The following CEP164 variants were observed in gnomAD, a reference collection of about 807,000 sequenced individuals.
The protein encoded by CEP164 is centrosomal protein 164, also known as centrosomal protein of 164 kDa.
Under a neutral mutation model 182.7 loss-of-function variants are expected in CEP164, and 162 were observed. The ratio of observed to expected loss-of-function variants is 0.89; its 90% CI spans 0.78 to 1.01. The LOEUF is 1.01. Among genes scored for constraint, CEP164 ranks in the 50% least tolerant of loss-of-function variants. The pLI, the probability that CEP164 is intolerant of heterozygous loss-of-function variation, is 0.00. For missense variants in CEP164, 1,735 were observed against 1,790.4 expected (o/e 0.97, Z 0.56); for synonymous variants, 661 against 690.0 (o/e 0.96, Z 0.66).
At chr11:117,360,688 G>A (rs186576227) in intron 5 of CEP164, among the ~76,000 whole-genome samples, 1 of 152,160 alleles carries the variant, frequency 6.6e-6, no homozygotes, top group East Asian at 1.9e-4. Context: ...ATTTTAATCA[G>A]AGTAGTGCAT....
At chr11:117,322,731 T>TTA (rs201165828) in intron 1 of CEP164, among the ~76,000 whole-genome samples, 22 of 148,744 alleles carry the variant, frequency 1.5e-4, no homozygotes, top group Middle Eastern at 3.4e-3. Flanking sequence ...TATTTTGTGT[T>TTA]TATATATATA....
Position 117,371,345 on chromosome 11 carries a change from A to G in CEP164, c.1031A>G (p.Glu344Gly). 1 of 1,614,236 alleles carries G rather than the reference A, an allele frequency of 6.2e-7. No individual in the cohort carries two copies. Among genetic ancestry groups the G allele is most frequent in the Non-Finnish European group, 8.5e-7 (1 of 1,180,036 alleles). ...GGCAGTGAGCCTGCCAAAGCCTCTGAAAAGGAAGCACCAGAGGACACAGTA... is the reference window on the plus strand; with the variant it reads ...GGCAGTGAGCCTGCCAAAGCCTCTGGAAAGGAAGCACCAGAGGACACAGTA... ...PTGSEPAKAS[E>G]KEAPEDTVDA... The change falls in exon 9 of 33, where the codon GAA (glutamate) becomes GGA (glycine). Residue 344 changes from glutamate to glycine, a missense_variant. Transcript: ENST00000278935.
chr11:117,336,658 A>C, intron 2 of CEP164: 1 of 996,864 alleles, frequency 1.0e-6, no homozygotes, highest in African/African-American at 1.6e-5. Flanking sequence ...CAGCCTTTCC[A>C]CGGCTGCCTG....
At chr11:117,385,604 G>C (rs1744453617) in intron 14 of CEP164, 1 of 152,456 alleles carries the variant, frequency 6.6e-6, no homozygotes, top group African/African-American at 2.4e-5. Context: ...AGGGAAAAAA[G>C]ATGTTTTCAG....
In CEP164 at chr11:117,394,551, TGCTGGG is replaced by T; in HGVS notation, c.2760+59_2760+64del. On this transcript the variant is annotated intron_variant, in intron 21 of 32. Transcript: ENST00000278935. This position sits in a 1 kb window ranked among gnomAD's most constrained non-coding sequence, Gnocchi z 4.0. ...GACCCCTCCATGCACAGTAGGAAGG[TGCTGGG>T]AGCAGACGCATGGCCCCAGCAGGAT... The T allele has an allele frequency of 6.3e-7, 1 of 1,592,364 alleles. No individual in the cohort carries two copies. The highest frequency in any genetic ancestry group is 1.1e-5 in the South Asian group (1 of 88,750).
At chr11:117,363,637 A>G in intron 8 of CEP164, 131 bp downstream of exon 8, 1 of 591,722 alleles carries the variant, frequency 1.7e-6, no homozygotes, top group Non-Finnish European at 2.9e-6. Context: ...TCCAGATGAG[A>G]TTTCTGGGGT....
At chr11:117,390,091 C>T (rs542294966) in intron 15 of CEP164, among the ~76,000 whole-genome samples, 8 of 151,656 alleles carry the variant, frequency 5.3e-5, no homozygotes, top group South Asian at 2.1e-4. Flanking sequence ...TACAGGTGTG[C>T]GCCACCATGC....
rs748917004 is a variant in CEP164 at position 117,393,102 on chromosome 11, G to A, written c.2592G>A (p.Lys864=). 1.9e-6 allele frequency: 3 copies of A among 1,613,462 alleles called. No individual in the cohort carries two copies. The South Asian group carries it at 3.3e-5, about 18-fold the overall frequency. The change falls in exon 20 of 33, where the codon AAG becomes AAA. Residue 864 remains lysine, a synonymous_variant. Transcript: ENST00000278935. ...MKEEHQQVMA[K]AREQYEAEER... ...AGGAGCACCAGCAAGTGATGGCTAA[G>A]GCCAGAGAGCAGTATGAAGCTGAGG... is the stretch of plus-strand genomic sequence containing the variant.
chr11:117,363,473 C>T lies in CEP164; in HGVS notation c.732C>T (p.Asp244=), dbSNP rs2041245453. 6.2e-7 allele frequency: 1 copy of T among 1,614,006 alleles called. No individual in the cohort carries two copies. Among genetic ancestry groups the T allele is most frequent in the Non-Finnish European group, 8.5e-7 (1 of 1,179,884 alleles). The change falls in exon 8 of 33, where the codon GAC becomes GAT. Residue 244 remains aspartate (D), a synonymous_variant. Coordinates refer to ENST00000278935, the MANE Select transcript of CEP164 (RefSeq NM_014956.5). ...SSEPLRNLHL[D]IGALGGDFEY... is the part of the protein sequence containing the mutation. ...AGCCTCTTAGGAACCTACACCTGGA[C>T]ATTGGGGCACTGGGGGGTGACTTTG...
chr11:117,343,661 G>A (rs1254753262), intron 3 of CEP164, among the ~76,000 whole-genome samples: 2 of 125,168 alleles, frequency 1.6e-5, no homozygotes, highest in Admixed American at 1.9e-4. Flanking sequence ...ACGAAGTCTT[G>A]CTCTCATTGC....
In CEP164 at chr11:117,412,353, C is replaced by T. The variant is rs2047448729; in HGVS notation, c.*185C>T. The T allele has an allele frequency of 1.8e-6, 1 of 541,136 alleles. No homozygotes were observed. Among genetic ancestry groups the T allele is most frequent in the Admixed American group, 3.4e-5 (1 of 29,414 alleles). 33.5% of individuals were successfully genotyped at this position (541,136 alleles called of 1,614,324 possible). ...CACATTCTGTGACTATATAACCTAT[C>T]TCAGGCTAAAATGTGTGGACTCGTA... On this transcript the variant is annotated 3_prime_UTR_variant, in exon 33 of 33. Transcript: ENST00000278935.
At chr11:117,323,925 A>G (rs760776567), upstream of CEP164, 12 of 340,190 alleles carry the variant, frequency 3.5e-5, no homozygotes, top group Non-Finnish European at 6.8e-5. Context: ...CAGTTTGCCC[A>G]TTTTAAAAAT....
chr11:117,361,819 G>A lies in CEP164; in HGVS notation c.394-16G>A, dbSNP rs367677064. 3 of 1,614,042 alleles carry A rather than the reference G, an allele frequency of 1.9e-6. No individual in the cohort carries two copies. The African/African-American group carries it at 4.0e-5, about 22-fold the overall frequency. On this transcript the variant is annotated splice_polypyrimidine_tract_variant and intron_variant, in intron 5 of 32. Coordinates refer to ENST00000278935, the MANE Select transcript of CEP164 (RefSeq NM_014956.5). ...CTGGTTTCTTGAGTTGTAACAAGAT[G>A]TTTTCTGTTGCACAGGCCTTGGGTT...
intron 15 of CEP164, among the ~76,000 whole-genome samples, chr11:117,388,096 G>T (rs1411205964): frequency 2.0e-5 from 3 of 152,088 alleles, no homozygotes; most frequent in Non-Finnish European, 4.4e-5. Flanking sequence ...TGAGAATTGG[G>T]GCAGGGGCCC....
chr11:117,391,323 C>T, intron 17 of CEP164, 108 bp downstream of exon 17: 1 of 1,076,198 alleles, frequency 9.3e-7, no homozygotes, highest in Non-Finnish European at 1.3e-6. Context: ...GGCGTGCAGG[C>T]TGGGGAGCCA....
At chr11:117,378,163 T>C (rs547232544) in intron 11 of CEP164, among the ~76,000 whole-genome samples, 2 of 152,208 alleles carry the variant, frequency 1.3e-5, no homozygotes, top group African/African-American at 2.4e-5. Flanking sequence ...GCCACCGTGC[T>C]CGGCAAACAT....
chr11:117,346,729 T>G (rs1287443793), intron 4 of CEP164, among the ~76,000 whole-genome samples: 1 of 152,004 alleles, frequency 6.6e-6, no homozygotes, highest in Admixed American at 6.5e-5. Context: ...CTGGGGGTGA[T>G]GACATGCACC....
intron 4 of CEP164, among the ~76,000 whole-genome samples, chr11:117,350,896 A>T (rs1014984740): frequency 6.6e-6 from 1 of 152,128 alleles, no homozygotes; most frequent in African/African-American, 2.4e-5. Context: ...AGCTGTCCTA[A>T]TAGATTGTTG....
chr11:117,325,147 T>A (rs1187686939), upstream of CEP164, among the ~76,000 whole-genome samples: 1 of 151,992 alleles, frequency 6.6e-6, no homozygotes, highest in Non-Finnish European at 1.5e-5. Context: ...TGCGGTGGCG[T>A]GATCTTGGCT....
Sources: allele counts gnomAD v4.1 joint callset (sites outside exome capture counted in the v4.1 genomes callset), GRCh38; gene constraint gnomAD v4.1.1; non-coding constraint Gnocchi (gnomAD v3.1); transcripts MANE v1.5; gene names NCBI Gene and HGNC (gene_info 2026-07-23, HGNC 2026-07-21).